The following SEPTIN11 variants were observed in gnomAD, a reference collection of about 807,000 sequenced individuals.
The protein encoded by SEPTIN11 is septin-11.
Under a neutral mutation model 51.4 loss-of-function variants are expected in SEPTIN11, and 25 were observed. That is an observed-to-expected ratio of 0.49 (90% confidence interval 0.35 to 0.68). The LOEUF is 0.68. SEPTIN11 is among the 30% of genes least tolerant of loss of function. The pLI is 0.00. For synonymous variants in SEPTIN11, 174 were observed against 184.1 expected (o/e 0.95, Z 0.44); for missense variants, 381 against 520.8 (o/e 0.73, Z 2.61).
At chr4:76,974,739 T>C (rs1379474180) in intron 1 of SEPTIN11, 2 of 456,704 alleles carry the variant, frequency 4.4e-6, no homozygotes, top group Non-Finnish European at 8.8e-6. Context: ...AATCTCACTG[T>C]TGGAGCTGGG....
intron 1 of SEPTIN11, among the ~76,000 whole-genome samples, chr4:76,963,456 T>C (rs1282117976): frequency 6.6e-6 from 1 of 152,240 alleles, no homozygotes; most frequent in Admixed American, 6.5e-5. Context: ...ACAGTGATGA[T>C]CTTAAGGCCA....
rs1179857070 is a variant in SEPTIN11, at chr4:77,034,951, A to C, written c.*439A>C. On this transcript the variant is annotated 3_prime_UTR_variant, in exon 10 of 10. Transcript: ENST00000264893. The stretch of plus-strand genomic sequence containing the variant: ...TGATGATTCATCTCCATGAGTGCAC[A>C]ATCCCTGAACTCACTGTCTTTTCTC... 1.0e-6 allele frequency: 1 copy of C among 987,900 alleles called. No homozygotes were observed. The highest frequency in any genetic ancestry group is 1.2e-6 in the Non-Finnish European group (1 of 831,516). The allele number at this position is 987,900 out of a possible 1,614,324, so 61.2% of individuals were successfully genotyped here.
intron 1 of SEPTIN11, among the ~76,000 whole-genome samples, chr4:76,987,242 A>G (rs1052433373): frequency 2.6e-5 from 4 of 152,006 alleles, no homozygotes; most frequent in African/African-American, 4.8e-5. Flanking sequence ...TTGTATTACC[A>G]TATGGTTTTT....
chr4:77,017,949 G>A (rs979538821), intron 5 of SEPTIN11, among the ~76,000 whole-genome samples: 2 of 152,156 alleles, frequency 1.3e-5, no homozygotes, highest in African/African-American at 4.8e-5. Flanking sequence ...AGTGTGTTTC[G>A]GACTTAGAAA....
intron 9 of SEPTIN11, 142 bp from the exon 10 acceptor site, chr4:77,034,355 T>G: frequency 1.5e-6 from 1 of 677,150 alleles, no homozygotes; most frequent in South Asian, 4.0e-5. Context: ...CTTCTCAAAT[T>G]TTTGGTTTTA....
At chr4:77,014,726 G>C in intron 4 of SEPTIN11, 130 bp from the exon 5 acceptor site, 1 of 869,860 alleles carries the variant, frequency 1.1e-6, no homozygotes, top group Non-Finnish European at 1.8e-6. Flanking sequence ...GAGATGTTTT[G>C]ATATAAGTAG....
At chr4:76,978,502 AC>A (rs895029837) in intron 1 of SEPTIN11, among the ~76,000 whole-genome samples, 1 of 152,104 alleles carries the variant, frequency 6.6e-6, no homozygotes, top group African/African-American at 2.4e-5. Context: ...CCCAGGCTCT[AC>A]TAATGTAGTG....
intron 1 of SEPTIN11, chr4:76,985,143 C>T (rs957408272): frequency 2.0e-5 from 3 of 152,148 alleles, no homozygotes; most frequent in East Asian, 1.9e-4. Context: ...TTGTAATGTT[C>T]GGCTGTTACA....
chr4:76,949,963 G>T, intron 1 of SEPTIN11, 33 bp downstream of exon 1: 1 of 1,439,800 alleles, frequency 6.9e-7, no homozygotes. Context: ...CTGCTCCTCG[G>T]GCGCCGGGTG....
chr4:76,950,202 T>C (rs1361030605), intron 1 of SEPTIN11, among the ~76,000 whole-genome samples: 2 of 152,060 alleles, frequency 1.3e-5, no homozygotes, highest in Admixed American at 1.3e-4. Flanking sequence ...CCCTTTAAAA[T>C]AATTCTTTGA....
chr4:76,982,904 T>G (rs1722836103), intron 1 of SEPTIN11, among the ~76,000 whole-genome samples: 1 of 152,200 alleles, frequency 6.6e-6, no homozygotes, highest in Non-Finnish European at 1.5e-5. Context: ...ATATCTATCT[T>G]TTTTCTCCTG....
chr4:76,983,441 G>A (rs1207026325), intron 1 of SEPTIN11, among the ~76,000 whole-genome samples: 2 of 152,118 alleles, frequency 1.3e-5, no homozygotes, highest in Middle Eastern at 3.2e-3. Context: ...CTTGGAAGAG[G>A]GTATTTCCCC....
intron 9 of SEPTIN11, 167 bp downstream of exon 9, chr4:77,031,137 T>A (rs1050089965): frequency 6.3e-6 from 4 of 636,074 alleles, no homozygotes; most frequent in Non-Finnish European, 1.0e-5. Context: ...TAAATTTTTT[T>A]AAAAGGTACA....
rs1724877241 is a variant in SEPTIN11, at chr4:77,011,717, G to C, written c.339-18G>C. On this transcript the variant is annotated intron_variant, in intron 3 of 9. Transcript: ENST00000264893. ...GAAAGAGGTTTGAGACTAGAAACAT[G>C]CTGTTTCTGCATTCTAGCTATAAGC... The C allele has an allele frequency of 6.2e-7, 1 of 1,605,850 alleles. No homozygotes were observed. Among genetic ancestry groups the C allele is most frequent in the East Asian group, 2.2e-5 (1 of 44,836 alleles).
Position 77,037,526 on chromosome 4 carries a change from C to G in SEPTIN11, c.*3014C>G. 1.0e-6 allele frequency: 1 copy of G among 985,222 alleles called. No individual in the cohort carries two copies. Among genetic ancestry groups the G allele is most frequent in the South Asian group, 4.7e-5 (1 of 21,284 alleles). 61.0% of individuals were successfully genotyped at this position (985,222 alleles called of 1,614,324 possible). A position where few individuals can be genotyped will look rare whatever the true frequency, so the allele number is the denominator to read the frequency against. On this transcript the variant is annotated 3_prime_UTR_variant, in exon 10 of 10. Transcript: ENST00000264893. ...AGAGAAAAATTTTTATGCTAGGATGCCTTTATGACCACTTAATTTTTTAAT... is the reference window on the plus strand; with the variant it reads ...AGAGAAAAATTTTTATGCTAGGATGGCTTTATGACCACTTAATTTTTTAAT...
chr4:76,978,532 G>T (rs1163361854), intron 1 of SEPTIN11, among the ~76,000 whole-genome samples: 3 of 152,130 alleles, frequency 2.0e-5, no homozygotes, highest in African/African-American at 7.2e-5. Flanking sequence ...TTTGGAGGAA[G>T]CCTGCTTGGC....
At chr4:76,953,698 C>G (rs989410997) in intron 1 of SEPTIN11, among the ~76,000 whole-genome samples, 1 of 152,156 alleles carries the variant, frequency 6.6e-6, no homozygotes. Flanking sequence ...ATTATACATA[C>G]TGAGGCTCTA....
intron 1 of SEPTIN11, among the ~76,000 whole-genome samples, chr4:76,986,689 G>A (rs1449297810): frequency 1.3e-5 from 2 of 151,958 alleles, no homozygotes; most frequent in African/African-American, 4.8e-5. Context: ...ACATGACTTG[G>A]TTCTACTATT....
In SEPTIN11 at chr4:76,955,022, A is replaced by T. The variant is rs6832319; in HGVS notation, c.27+5092A>T. Among the ~76,000 whole-genome samples, 1,271 of 152,254 alleles carry T rather than the reference A, an allele frequency of 8.3e-3. 11 individuals are homozygous for T. The highest frequency in any genetic ancestry group is 0.029 in the African/African-American group (1,200 of 41,542). ...TTTTATTGTACAAAAAGGAAATGAA[A>T]ATATATATAGCATAACATTAAAATT... On this transcript the variant is annotated intron_variant, in intron 1 of 9. Coordinates refer to ENST00000264893, the MANE Select transcript of SEPTIN11 (RefSeq NM_018243.4).
Sources: gnomAD v4.1 joint callset for allele counts (sites outside exome capture counted in the v4.1 genomes callset) on GRCh38, gnomAD v4.1.1 for gene constraint, MANE v1.5 for transcripts, NCBI Gene and HGNC (gene_info 2026-07-23, HGNC 2026-07-21) for gene names.